DRC11: variants seen among roughly 807,000 people sequenced by gnomAD.
The protein encoded by DRC11 is IQ and AAA domain-containing protein 1.
At chr2:236,358,187 AAT>A in the DRC11 span, among the ~76,000 whole-genome samples, 1 of 116,628 alleles carries the variant, frequency 8.6e-6, no homozygotes, top group African/African-American at 3.4e-5. Context: ...ATACTCTATG[AAT>A]ATATAATATA....
At chr2:236,360,119 C>G in the DRC11 span, among the ~76,000 whole-genome samples, 1 of 152,162 alleles carries the variant, frequency 6.6e-6, no homozygotes, top group African/African-American at 2.4e-5. This position sits in a 1 kb window ranked among gnomAD's most constrained non-coding sequence, Gnocchi z 5.8. Flanking sequence ...GTCCTAGATT[C>G]ACACCAGGAG....
the DRC11 span, chr2:236,380,420 T>G: frequency 3.3e-6 from 2 of 605,046 alleles, no homozygotes; most frequent in Non-Finnish European, 2.9e-6. This position sits in a 1 kb window ranked among gnomAD's most constrained non-coding sequence, Gnocchi z 4.9. Flanking sequence ...CAGTCTGGGA[T>G]TTGTAGGGAC....
At chr2:236,486,044 T>C in the DRC11 span, among the ~76,000 whole-genome samples, 1 of 152,340 alleles carries the variant, frequency 6.6e-6, no homozygotes, top group East Asian at 1.9e-4. The surrounding 1 kb of genome is among the most constrained non-coding windows in gnomAD (Gnocchi z 5.7). Flanking sequence ...ACTTCTGTGA[T>C]CATTTGCATA....
At chr2:236,338,179 C>T in the DRC11 span, 33 of 1,605,292 alleles carry the variant, frequency 2.1e-5, no homozygotes, top group Admixed American at 5.1e-5. Context: ...AGCTATCATG[C>T]ATGGGAAGGG....
the DRC11 span, among the ~76,000 whole-genome samples, chr2:236,375,575 C>T: frequency 6.6e-6 from 1 of 152,166 alleles, no homozygotes; most frequent in Non-Finnish European, 1.5e-5. This position sits in a 1 kb window ranked among gnomAD's most constrained non-coding sequence, Gnocchi z 4.2. Flanking sequence ...AATTCTTATG[C>T]TATTAGGAAA....
At chr2:236,365,854 C>A in the DRC11 span, among the ~76,000 whole-genome samples, 2 of 152,246 alleles carry the variant, frequency 1.3e-5, no homozygotes, top group East Asian at 3.9e-4. The surrounding 1 kb of genome is among the most constrained non-coding windows in gnomAD (Gnocchi z 7.4). Flanking sequence ...CTTCCTGCCC[C>A]TCTCGTAGAG....
the DRC11 span, among the ~76,000 whole-genome samples, chr2:236,410,110 G>A: frequency 2.6e-5 from 4 of 151,610 alleles, no homozygotes; most frequent in African/African-American, 9.7e-5. Context: ...GTATCAGGAT[G>A]ATGCTGGCCT....
the DRC11 span, chr2:236,380,734 GAGGTGGA>G: frequency 1.2e-6 from 1 of 852,184 alleles, no homozygotes; most frequent in Non-Finnish European, 1.9e-6. This position sits in a 1 kb window ranked among gnomAD's most constrained non-coding sequence, Gnocchi z 4.9. Context: ...GGGGTGGTGG[GAGGTGGA>G]AAGTTAATTG....
At chr2:236,427,320 T>A in the DRC11 span, among the ~76,000 whole-genome samples, 1 of 152,198 alleles carries the variant, frequency 6.6e-6, no homozygotes, top group African/African-American at 2.4e-5. This position sits in a 1 kb window ranked among gnomAD's most constrained non-coding sequence, Gnocchi z 5.9. Context: ...TTATTTCTCT[T>A]CAATTTTTGG....
chr2:236,435,768 A>C, the DRC11 span, among the ~76,000 whole-genome samples: 1 of 152,322 alleles, frequency 6.6e-6, no homozygotes, highest in East Asian at 1.9e-4. Context: ...CAGACAAAGC[A>C]TATTAATGCC....
At chr2:236,314,415 G>A in the DRC11 span, among the ~76,000 whole-genome samples, 1 of 152,156 alleles carries the variant, frequency 6.6e-6, no homozygotes, top group South Asian at 2.1e-4. The surrounding 1 kb of genome is among the most constrained non-coding windows in gnomAD (Gnocchi z 4.5). Flanking sequence ...AAACAAGGAT[G>A]TCTTCTATGA....
the DRC11 span, among the ~76,000 whole-genome samples, chr2:236,430,107 C>T: frequency 6.6e-6 from 1 of 152,124 alleles, no homozygotes; most frequent in African/African-American, 2.4e-5. This position sits in a 1 kb window ranked among gnomAD's most constrained non-coding sequence, Gnocchi z 6.0. Flanking sequence ...CAGTGTGTGG[C>T]TGATCATAAT....
the DRC11 span, chr2:236,392,161 T>C: frequency 6.7e-7 from 1 of 1,484,922 alleles, no homozygotes; most frequent in Non-Finnish European, 9.4e-7. This position sits in a 1 kb window ranked among gnomAD's most constrained non-coding sequence, Gnocchi z 5.1. Context: ...AATTATGGGG[T>C]AGGTCATTAG....
At chr2:236,358,815 C>T in the DRC11 span, among the ~76,000 whole-genome samples, 5 of 148,578 alleles carry the variant, frequency 3.4e-5, no homozygotes, top group East Asian at 1.9e-4. Context: ...CTGGATTTCA[C>T]GCTAGGTCAG....
chr2:236,479,496 A>C, the DRC11 span, among the ~76,000 whole-genome samples: 1 of 151,940 alleles, frequency 6.6e-6, no homozygotes, highest in South Asian at 2.1e-4. The surrounding 1 kb of genome is among the most constrained non-coding windows in gnomAD (Gnocchi z 4.1). Flanking sequence ...TTTTTAGTAT[A>C]TCTATCATAG....
At chr2:236,370,071 G>A in the DRC11 span, among the ~76,000 whole-genome samples, 6 of 152,340 alleles carry the variant, frequency 3.9e-5, no homozygotes, top group East Asian at 1.2e-3. This position sits in a 1 kb window ranked among gnomAD's most constrained non-coding sequence, Gnocchi z 5.5. Context: ...TCATTAAGAT[G>A]AGGTCATTAG....
At chr2:236,371,570 C>G in the DRC11 span, among the ~76,000 whole-genome samples, 1 of 152,162 alleles carries the variant, frequency 6.6e-6, no homozygotes, top group Admixed American at 6.5e-5. The surrounding 1 kb of genome is among the most constrained non-coding windows in gnomAD (Gnocchi z 5.1). Context: ...TCAGCGCACA[C>G]CGCTCTTATG....
At chr2:236,459,125 T>C in the DRC11 span, among the ~76,000 whole-genome samples, 1 of 152,020 alleles carries the variant, frequency 6.6e-6, no homozygotes, top group East Asian at 1.9e-4. Flanking sequence ...GTAATACATA[T>C]ATAACTACAT....
At chr2:236,408,791 G>C in the DRC11 span, 6 of 670,076 alleles carry the variant, frequency 9.0e-6, no homozygotes, top group African/African-American at 3.6e-5. The surrounding 1 kb of genome is among the most constrained non-coding windows in gnomAD (Gnocchi z 5.5). Flanking sequence ...CTTGAGGTTT[G>C]AGGGGTTTCC....
Sources: allele counts gnomAD v4.1 joint callset (sites outside exome capture counted in the v4.1 genomes callset), GRCh38; gene constraint gnomAD v4.1.1; non-coding constraint Gnocchi (gnomAD v3.1); transcripts MANE v1.5; gene names NCBI Gene and HGNC (gene_info 2026-07-23, HGNC 2026-07-21).